ABCB1: variants seen among roughly 807,000 people sequenced by gnomAD.
The protein encoded by ABCB1 is ATP binding cassette subfamily B member 1, also known as ATP-dependent translocase ABCB1.
A neutral mutation model predicts 142.0 loss-of-function variants in ABCB1; 69 were observed. The observed-to-expected ratio is 0.49, with a 90% CI of 0.40 to 0.59. The LOEUF is 0.59. ABCB1 is among the 20% of genes least tolerant of loss of function. ABCB1 has a pLI of 0.00. For synonymous variants in ABCB1, 532 were observed against 539.2 expected, an observed-to-expected ratio of 0.99 and a Z score of 0.18; for missense variants, 1,326 against 1,554.7, an observed-to-expected ratio of 0.85 and a Z score of 2.47.
intron 4 of ABCB1, among the ~76,000 whole-genome samples, chr7:87,578,939 T>C (rs1211151): frequency 0.7 from 106,174 of 151,728 alleles, 37,576 homozygotes; most frequent in East Asian, 0.98. Context: ...GTGATCCACC[T>C]GCCTCGGCCT....
intron 4 of ABCB1, among the ~76,000 whole-genome samples, chr7:87,578,843 G>A (rs1034137502): frequency 2.0e-5 from 3 of 151,492 alleles, no homozygotes; most frequent in South Asian, 4.2e-4. Flanking sequence ...ACAGGCGCCC[G>A]CCACCACGCC....
chr7:87,515,176 T>C, intron 25 of ABCB1, 55 bp downstream of exon 25: 2 of 1,597,644 alleles, frequency 1.3e-6, no homozygotes, highest in Non-Finnish European at 1.7e-6. Flanking sequence ...TTAAATACAT[T>C]CAGACATTTG....
chr7:87,565,699 GC>G (rs1484484852), intron 7 of ABCB1, among the ~76,000 whole-genome samples: 1 of 151,354 alleles, frequency 6.6e-6, no homozygotes, highest in African/African-American at 2.4e-5. Flanking sequence ...GTCTCTACTT[GC>G]CGTGTGAATG....
intron 3 of ABCB1, among the ~76,000 whole-genome samples, chr7:87,595,344 C>A (rs1012582729): frequency 2.0e-5 from 3 of 152,034 alleles, no homozygotes; most frequent in African/African-American, 7.2e-5. Context: ...TTGCAATGGA[C>A]TAACCTAAAT....
At chr7:87,528,238 G>T (rs1053699612) in intron 21 of ABCB1, among the ~76,000 whole-genome samples, 6 of 152,140 alleles carry the variant, frequency 3.9e-5, no homozygotes, top group African/African-American at 1.4e-4. Context: ...CTTTACAGTT[G>T]TTGACATGTG....
chr7:87,555,446 G>A (rs945511871), intron 8 of ABCB1, among the ~76,000 whole-genome samples: 3 of 152,148 alleles, frequency 2.0e-5, no homozygotes, highest in African/African-American at 7.2e-5. Flanking sequence ...CCATTAGCAT[G>A]TACAGCAGAG....
At position 87,549,960 on chromosome 7, in the gene ABCB1, G is replaced by C; in HGVS notation, c.1445C>G (p.Thr482Ser). 1 of 1,614,184 alleles carries C rather than the reference G, an allele frequency of 6.2e-7. No homozygotes were observed. Among genetic ancestry groups the C allele is most frequent in the Non-Finnish European group, 8.5e-7 (1 of 1,180,040 alleles). Residue 482 changes from threonine to serine, a missense_variant, in exon 13 of 28, where the codon ACC becomes AGC. Physicochemically the swap from Thr to Ser is moderately conservative, Grantham distance 58 (BLOSUM62 1). Coordinates refer to ENST00000622132, the MANE Select transcript of ABCB1 (RefSeq NM_001348946.2). ...VVSQEPVLFA[T>S]TIAENIRYGR... The stretch of plus-strand genomic sequence containing the variant: ...ATAGCGAATGTTTTCAGCTATCGTG[G>C]TGGCAAACAATACAGGTTCCTGACT...
intron 14 of ABCB1, among the ~76,000 whole-genome samples, chr7:87,547,677 G>A (rs190033086): frequency 2.6e-5 from 4 of 151,974 alleles, no homozygotes; most frequent in Admixed American, 6.5e-5. Flanking sequence ...CAAGACCAGC[G>A]TGGGCCACAT....
chr7:87,522,257 T>G, intron 21 of ABCB1: 1 of 961,302 alleles, frequency 1.0e-6, no homozygotes, highest in Non-Finnish European at 1.7e-6. Context: ...ATTACAACAA[T>G]TAGTTTTACA....
At chr7:87,530,581 A>G (rs1444221643) in intron 21 of ABCB1, among the ~76,000 whole-genome samples, 2 of 151,944 alleles carry the variant, frequency 1.3e-5, no homozygotes, top group East Asian at 3.9e-4. Context: ...TATGCAGGGG[A>G]AAAAAAAGAA....
intron 8 of ABCB1, among the ~76,000 whole-genome samples, chr7:87,556,028 A>T (rs750757797): frequency 1.8e-4 from 28 of 152,222 alleles, no homozygotes; most frequent in Admixed American, 7.8e-4. Flanking sequence ...AATGAGATAT[A>T]AACAATACTC....
At position 87,519,382 on chromosome 7, in the gene ABCB1, GA is replaced by G. The variant is rs777521358; in HGVS notation, c.2870del (p.Phe957SerfsTer13). Reference sequence around the variant, plus strand: ...GTGCCACCAAGTAGGCTCCAAACCGGAAACATCCAGCATAGGAAAAATACAT... The same window carrying G: ...GTGCCACCAAGTAGGCTCCAAACCGGAACATCCAGCATAGGAAAAATACAT... ...AMMYFSYAGC[F>X]RFGAYLVAHK... On this transcript the variant is annotated frameshift_variant, in exon 23 of 28. Transcript: ENST00000622132. LOFTEE classifies it high-confidence loss of function. The G allele has an allele frequency of 6.2e-7, 1 of 1,614,146 alleles. No homozygotes were observed. The highest frequency in any genetic ancestry group is 1.1e-5 in the South Asian group (1 of 91,086).
intron 24 of ABCB1, among the ~76,000 whole-genome samples, chr7:87,515,738 G>A (rs933777627): frequency 6.6e-6 from 1 of 151,752 alleles, no homozygotes; most frequent in Non-Finnish European, 1.5e-5. Flanking sequence ...TTACAGGCGT[G>A]TGCCACCACA....
At chr7:87,663,057 T>A (rs1824870681) in intron 1 of ABCB1, among the ~76,000 whole-genome samples, 1 of 152,134 alleles carries the variant, frequency 6.6e-6, no homozygotes, top group Non-Finnish European at 1.5e-5. Context: ...TGTTGGCATA[T>A]AGGAAAGCTG....
chr7:87,617,420 A>G (rs1820066483), intron 1 of ABCB1, among the ~76,000 whole-genome samples: 1 of 152,218 alleles, frequency 6.6e-6, no homozygotes, highest in Non-Finnish European at 1.5e-5. Flanking sequence ...TAAAGTTTAG[A>G]AAACATTTAA....
chr7:87,683,370 G>A (rs1405525949), intron 1 of ABCB1, among the ~76,000 whole-genome samples: 2 of 152,184 alleles, frequency 1.3e-5, no homozygotes, highest in Non-Finnish European at 2.9e-5. Context: ...ACTGGCACAA[G>A]AGGCCTAGGT....
intron 1 of ABCB1, among the ~76,000 whole-genome samples, chr7:87,614,944 C>G (rs1401461532): frequency 6.6e-6 from 1 of 152,036 alleles, no homozygotes; most frequent in Non-Finnish European, 1.5e-5. Context: ...CTCCCAGGTT[C>G]ATGCCATTCT....
At chr7:87,608,494 A>G (rs149723185) in intron 1 of ABCB1, among the ~76,000 whole-genome samples, 1 of 152,346 alleles carries the variant, frequency 6.6e-6, no homozygotes, top group Non-Finnish European at 1.5e-5. Flanking sequence ...CATTCAACAC[A>G]TATTTGGTTG....
At chr7:87,692,715 A>G (rs979940063) in intron 1 of ABCB1, among the ~76,000 whole-genome samples, 6 of 152,224 alleles carry the variant, frequency 3.9e-5, no homozygotes, top group African/African-American at 1.4e-4. Flanking sequence ...ATGTGGTTTA[A>G]ATATTAGGAA....
Sources: allele counts gnomAD v4.1 joint callset (sites outside exome capture counted in the v4.1 genomes callset), GRCh38; gene constraint gnomAD v4.1.1; transcripts MANE v1.5; gene names NCBI Gene and HGNC (gene_info 2026-07-23, HGNC 2026-07-21).